RNF4: variants seen among roughly 807,000 people sequenced by gnomAD.
RNF4 encodes E3 ubiquitin-protein ligase RNF4.
RNF4 carries 7 observed loss-of-function variants against 24.3 expected under a neutral mutation model. That is an observed-to-expected ratio of 0.29 (90% confidence interval 0.16 to 0.54). The LOEUF is 0.54. Ranked by LOEUF, RNF4 falls within the 20% of genes least tolerant of loss-of-function variation. RNF4 has a pLI of 0.95. For synonymous variants in RNF4, 83 were observed against 84.3 expected (o/e 0.98, Z 0.09); for missense variants, 209 against 248.5 (o/e 0.84, Z 1.07).
intron 4 of RNF4, among the ~76,000 whole-genome samples, chr4:2,502,437 G>A (rs1735938118): frequency 6.6e-6 from 1 of 152,088 alleles, no homozygotes; most frequent in South Asian, 2.1e-4. Flanking sequence ...TGTAATCTCA[G>A]CACTTTGGGA....
In RNF4 at chr4:2,470,599, A is replaced by G. The variant is rs549456705; in HGVS notation, c.-158+1341A>G. Among the ~76,000 whole-genome samples, 104 of 152,342 alleles carry G rather than the reference A, an allele frequency of 6.8e-4. 1 individual carries two copies. The highest frequency in any genetic ancestry group is 3.4e-3 in the Middle Eastern group (1 of 294). ...CTAATCTTCATGAAATCTTAATGCC[A>G]TACGTAAACTATTTCTTTTTATATA... On this transcript the variant is annotated intron_variant, in intron 1 of 7. Transcript: ENST00000314289.
rs773046481 is a variant in RNF4 at position 2,490,502 on chromosome 4, A to G, written c.9A>G (p.Thr3=). 11 of 1,611,994 alleles carry G rather than the reference A, an allele frequency of 6.8e-6. No homozygotes were observed. The South Asian group carries it at 8.8e-5, about 13-fold the overall frequency. MS[T]RKRRGGAINS... The stretch of plus-strand genomic sequence containing the variant: ...AGGCACCAAAGAGCACAATGAGTAC[A>G]GTAAGTTTTATCATCTCTTGAATTT... Residue 3 remains threonine (T), a splice_region_variant and synonymous_variant, in exon 2 of 8, where the codon ACA becomes ACG. Transcript: ENST00000314289.
chr4:2,505,609 G>A (rs1159095743), intron 4 of RNF4: 1 of 151,640 alleles, frequency 6.6e-6, no homozygotes, highest in Non-Finnish European at 1.5e-5. Context: ...ATAGGTGTGA[G>A]CCACCGCGCC....
At chr4:2,498,764 T>TA (rs1735817844) in intron 3 of RNF4, among the ~76,000 whole-genome samples, 1 of 151,592 alleles carries the variant, frequency 6.6e-6, no homozygotes, top group African/African-American at 2.4e-5. Context: ...TCTCTATAAA[T>TA]AAAAAAATTA....
At chr4:2,493,098 A>G (rs982010910) in intron 2 of RNF4, among the ~76,000 whole-genome samples, 1 of 152,148 alleles carries the variant, frequency 6.6e-6, no homozygotes, top group Non-Finnish European at 1.5e-5. Context: ...TCCTGGATTG[A>G]TTGAGCCTGT....
intron 1 of RNF4, among the ~76,000 whole-genome samples, chr4:2,474,800 G>A (rs991861791): frequency 1.8e-4 from 27 of 152,134 alleles, no homozygotes; most frequent in African/African-American, 2.9e-4. Context: ...CGAGGCAGGC[G>A]GATCACCTCA....
chr4:2,475,873 T>A (rs942166195), intron 1 of RNF4, among the ~76,000 whole-genome samples: 1 of 152,168 alleles, frequency 6.6e-6, no homozygotes, highest in African/African-American at 2.4e-5. Context: ...TAAGCAGAGC[T>A]CGAAACTTCA....
chr4:2,485,854 G>A (rs1028314664), intron 1 of RNF4, among the ~76,000 whole-genome samples: 4 of 152,226 alleles, frequency 2.6e-5, no homozygotes, highest in Non-Finnish European at 1.5e-5. Flanking sequence ...CTGGACGAGA[G>A]ACTGGAGGAT....
chr4:2,499,292 G>GT (rs1735839615), intron 3 of RNF4: 5 of 451,732 alleles, frequency 1.1e-5, no homozygotes, highest in East Asian at 7.1e-5. Flanking sequence ...TGTTGTTGTT[G>GT]TTGTTTGTTT....
intron 4 of RNF4, among the ~76,000 whole-genome samples, chr4:2,509,077 C>T (rs1290434091): frequency 4.0e-5 from 6 of 150,150 alleles, no homozygotes; most frequent in African/African-American, 1.2e-4. Context: ...CACCACCACA[C>T]CCGGCTAATT....
intron 1 of RNF4, among the ~76,000 whole-genome samples, chr4:2,488,277 A>T (rs1735473636): frequency 6.6e-6 from 1 of 152,234 alleles, no homozygotes; most frequent in Non-Finnish European, 1.5e-5. Context: ...AGCCTGGCCA[A>T]CCTGGTGGAA....
intron 3 of RNF4, 151 bp downstream of exon 3, chr4:2,497,272 T>G (rs1234056385): frequency 3.6e-6 from 2 of 555,784 alleles, no homozygotes; most frequent in African/African-American, 3.8e-5. Flanking sequence ...TCACAGATTC[T>G]GAAATAGCTT....
In RNF4 at chr4:2,515,786, A is replaced by G. The variant is rs1489317266; in HGVS notation, c.*1967A>G. On this transcript the variant is annotated 3_prime_UTR_variant, in exon 8 of 8. Coordinates refer to ENST00000314289, the MANE Select transcript of RNF4 (RefSeq NM_002938.5). ...TCTTTGTTACATTTAAACTATATCC[A>G]TGGATATCAGTCTGCTTTGGACTCC... 3.3e-5 allele frequency: 5 copies of G among 152,626 alleles called. No homozygotes were observed. Among genetic ancestry groups the G allele is most frequent in the East Asian group, 1.9e-4 (1 of 5,202 alleles). 9.5% of individuals were successfully genotyped at this position (152,626 alleles called of 1,614,324 possible).
Position 2,512,057 on chromosome 4 carries a change from C to T in RNF4, c.214+92C>T. Reference sequence around the variant, plus strand: ...GCTGCAGGTCTTGCCAGACCATCCCCAAGGGCTTGGAGCGCTCCAAGCAGG... The same window carrying T: ...GCTGCAGGTCTTGCCAGACCATCCCTAAGGGCTTGGAGCGCTCCAAGCAGG... On this transcript the variant is annotated intron_variant, in intron 5 of 7. Transcript: ENST00000314289. This position sits in a 1 kb window ranked among gnomAD's most constrained non-coding sequence, Gnocchi z 4.1. 2 of 1,281,270 alleles carry T rather than the reference C, an allele frequency of 1.6e-6. No individual in the cohort carries two copies. The highest frequency in any genetic ancestry group is 1.1e-6 in the Non-Finnish European group (1 of 903,260). 79.4% of individuals were successfully genotyped at this position (1,281,270 alleles called of 1,614,324 possible).
chr4:2,489,382 T>A (rs929719116), intron 1 of RNF4, among the ~76,000 whole-genome samples: 35 of 152,274 alleles, frequency 2.3e-4, no homozygotes, highest in Admixed American at 2.2e-3. Flanking sequence ...TGTGAGAGCG[T>A]TCCTGTCGTT....
In RNF4 at chr4:2,514,288, C is replaced by G. The variant is rs1357540682; in HGVS notation, c.*469C>G. On this transcript the variant is annotated 3_prime_UTR_variant, in exon 8 of 8. Coordinates refer to ENST00000314289, the MANE Select transcript of RNF4 (RefSeq NM_002938.5). ...AGGTTGAAGAGTGGCCCCTTGAGGC[C>G]CTGGAAAGACCAATCACTGGACTTC... is the stretch of plus-strand genomic sequence containing the variant. 1 of 173,916 alleles carries G rather than the reference C, an allele frequency of 5.7e-6. No homozygotes were observed. The highest frequency in any genetic ancestry group is 1.3e-5 in the Non-Finnish European group (1 of 79,872). 10.8% of individuals were successfully genotyped at this position (173,916 alleles called of 1,614,324 possible).
chr4:2,498,370 T>A (rs1246833070), intron 3 of RNF4, among the ~76,000 whole-genome samples: 1 of 152,056 alleles, frequency 6.6e-6, no homozygotes, highest in Admixed American at 6.6e-5. Context: ...GTATTTTTAG[T>A]AGAGACGGGG....
At chr4:2,486,144 G>A (rs1244411435) in intron 1 of RNF4, among the ~76,000 whole-genome samples, 1 of 152,154 alleles carries the variant, frequency 6.6e-6, no homozygotes, top group Non-Finnish European at 1.5e-5. Context: ...GGGTAAAATG[G>A]GGAACATAAC....
intron 1 of RNF4, among the ~76,000 whole-genome samples, chr4:2,471,559 C>G (rs921925540): frequency 6.6e-6 from 1 of 151,662 alleles, no homozygotes; most frequent in Non-Finnish European, 1.5e-5. Flanking sequence ...GTGAGAAAGG[C>G]GTATCAAAAG....
Sources: allele counts gnomAD v4.1 joint callset (sites outside exome capture counted in the v4.1 genomes callset), GRCh38; gene constraint gnomAD v4.1.1; non-coding constraint Gnocchi (gnomAD v3.1); transcripts MANE v1.5; gene names NCBI Gene and HGNC (gene_info 2026-07-23, HGNC 2026-07-21).